Variants in DGKG observed in about 807,000 individuals in gnomAD.
The protein encoded by DGKG is DAG kinase gamma.
Under a neutral mutation model 105.3 loss-of-function variants are expected in DGKG, and 78 were observed. The ratio of observed to expected loss-of-function variants is 0.74; its 90% CI spans 0.62 to 0.89. The LOEUF (loss-of-function observed/expected upper bound fraction) is 0.89. Among genes scored for constraint, DGKG ranks in the 40% least tolerant of loss-of-function variants. The pLI is 0.00. For missense variants in DGKG, 958 were observed against 1,020.1 expected (o/e 0.94, Z 0.83); for synonymous variants, 346 against 367.1 (o/e 0.94, Z 0.66).
At chr3:186,237,062 G>T (rs1720454156) in intron 20 of DGKG, among the ~76,000 whole-genome samples, 1 of 152,194 alleles carries the variant, frequency 6.6e-6, no homozygotes, top group Non-Finnish European at 1.5e-5. Flanking sequence ...TTGGCTATCT[G>T]GAAGACTTTG....
intron 20 of DGKG, among the ~76,000 whole-genome samples, chr3:186,239,855 A>C (rs1238500066): frequency 6.6e-6 from 1 of 151,916 alleles, no homozygotes; most frequent in African/African-American, 2.4e-5. Context: ...TCTACAGATC[A>C]CAGTGAATTT....
chr3:186,229,348 C>T (rs181728624), intron 20 of DGKG, among the ~76,000 whole-genome samples: 7 of 151,862 alleles, frequency 4.6e-5, no homozygotes, highest in African/African-American at 1.5e-4. Context: ...TCAAGTGATT[C>T]GCATGCCTCA....
rs764233443 is a variant in DGKG, at chr3:186,268,829, G to A, written c.1088C>T (p.Ala363Val). Residue 363 changes from alanine (A) to valine (V), a missense_variant, in exon 12 of 25, where the codon GCG becomes GTG. Coordinates refer to ENST00000265022, the MANE Select transcript of DGKG (RefSeq NM_001346.3). ...KSIKCYQSVT[A>V]RHCVWCRMTF... ...CATCCGGCACCACACGCAGTGCCGC[G>A]CGGTGACACTCTGGTAGCACTTGAT... 5 of 1,613,610 alleles carry A rather than the reference G, an allele frequency of 3.1e-6. No individual in the cohort carries two copies. Among genetic ancestry groups the A allele is most frequent in the Middle Eastern group, 1.6e-4 (1 of 6,084 alleles).
At chr3:186,154,503 G>C (rs1715929944) in intron 24 of DGKG, among the ~76,000 whole-genome samples, 1 of 151,956 alleles carries the variant, frequency 6.6e-6, no homozygotes, top group Admixed American at 6.6e-5. Flanking sequence ...AAATTAGCCA[G>C]GTGTGGTAGT....
At chr3:186,183,601 G>A (rs1188104102) in intron 22 of DGKG, among the ~76,000 whole-genome samples, 1 of 152,162 alleles carries the variant, frequency 6.6e-6, no homozygotes, top group Non-Finnish European at 1.5e-5. Context: ...GTCTAGGAAA[G>A]GAGATAGTAG....
chr3:186,339,146 T>C (rs527834788), intron 1 of DGKG, among the ~76,000 whole-genome samples: 1 of 152,332 alleles, frequency 6.6e-6, no homozygotes, highest in East Asian at 1.9e-4. Flanking sequence ...ATAATGATGT[T>C]CAATGGGCAA....
intron 22 of DGKG, 106 bp from the exon 23 acceptor site, chr3:186,165,124 A>G (rs1017010001): frequency 8.2e-7 from 1 of 1,225,514 alleles, no homozygotes; most frequent in Non-Finnish European, 1.1e-6. Flanking sequence ...GTATCCCTTC[A>G]TCTCCCACCA....
chr3:186,147,479 A>G lies in DGKG; in HGVS notation c.*2611T>C. ...AAGAAACCACAGTCATAGTGTTTAA[A>G]GGATGATTTGCAAGGCACGATTAAA... is the stretch of plus-strand genomic sequence containing the variant. On this transcript the variant is annotated 3_prime_UTR_variant, in exon 25 of 25. Transcript: ENST00000265022. 1 of 985,428 alleles carries G rather than the reference A, an allele frequency of 1.0e-6. No homozygotes were observed. The highest frequency in any genetic ancestry group is 1.2e-6 in the Non-Finnish European group (1 of 829,902). The allele number at this position is 985,428 out of a possible 1,614,324, so 61.0% of individuals were successfully genotyped here.
chr3:186,308,801 G>C (rs1432728070), intron 2 of DGKG, among the ~76,000 whole-genome samples: 1 of 152,196 alleles, frequency 6.6e-6, no homozygotes, highest in Non-Finnish European at 1.5e-5. Context: ...GCAAGATACT[G>C]TTAATGGACT....
rs1727237261 is a variant in DGKG at position 186,361,698 on chromosome 3, G to A, written c.-249+248C>T. 6.6e-6 allele frequency among the ~76,000 whole-genome samples: 1 copy of A among 152,208 alleles called. No homozygotes were observed. Among genetic ancestry groups the A allele is most frequent in the African/African-American group, 2.4e-5 (1 of 41,456 alleles). On this transcript the variant is annotated intron_variant, in intron 1 of 24. Transcript: ENST00000265022. The surrounding 1 kb of genome is among the most constrained non-coding windows in gnomAD (Gnocchi z 6.8). ...CCCGCACAGCTTTGAGGCTTGAGGGGGCCTCTCAGTCGCAGAGAGAGCCGA... is the reference window on the plus strand; with the variant it reads ...CCCGCACAGCTTTGAGGCTTGAGGGAGCCTCTCAGTCGCAGAGAGAGCCGA...
At chr3:186,352,329 T>G (rs1338088987) in intron 1 of DGKG, among the ~76,000 whole-genome samples, 1 of 152,132 alleles carries the variant, frequency 6.6e-6, no homozygotes, top group Non-Finnish European at 1.5e-5. Context: ...CTTTCCCTTA[T>G]TAGATAGGCA....
chr3:186,275,872 G>T (rs1722557902), intron 9 of DGKG, among the ~76,000 whole-genome samples: 1 of 152,144 alleles, frequency 6.6e-6, no homozygotes, highest in South Asian at 2.1e-4. Context: ...CATCTGAATG[G>T]AAGCATGTGT....
At chr3:186,293,920 C>G (rs9860237) in intron 5 of DGKG, among the ~76,000 whole-genome samples, 4,390 of 106,454 alleles carry the variant, frequency 0.041, 217 homozygotes, top group African/African-American at 0.13. Context: ...AGAGGGCCTA[C>G]CAGGAAAAGG....
chr3:186,249,171 A>G (rs1423347641), intron 19 of DGKG, among the ~76,000 whole-genome samples: 1 of 152,050 alleles, frequency 6.6e-6, no homozygotes, highest in African/African-American at 2.4e-5. Flanking sequence ...TGGAGGGGGC[A>G]CCTGGAAGAG....
chr3:186,189,575 G>GA (rs1370077170), intron 21 of DGKG, among the ~76,000 whole-genome samples: 16 of 152,194 alleles, frequency 1.1e-4, no homozygotes, highest in African/African-American at 3.6e-4. Context: ...TTGGGAGAAA[G>GA]AAAAAATCAA....
At chr3:186,216,154 A>T (rs1037455072) in intron 20 of DGKG, among the ~76,000 whole-genome samples, 2 of 151,542 alleles carry the variant, frequency 1.3e-5, no homozygotes, top group Non-Finnish European at 2.9e-5. Flanking sequence ...ATGCGCCACC[A>T]CTCCCGGCTA....
intron 1 of DGKG, among the ~76,000 whole-genome samples, chr3:186,346,051 C>A (rs1382214858): frequency 6.6e-6 from 1 of 152,220 alleles, no homozygotes; most frequent in Non-Finnish European, 1.5e-5. Flanking sequence ...ACAGGCTGAG[C>A]CACTGCCCCT....
At chr3:186,156,260 C>CT (rs920864529) in intron 24 of DGKG, among the ~76,000 whole-genome samples, 12 of 151,352 alleles carry the variant, frequency 7.9e-5, no homozygotes, top group African/African-American at 2.2e-4. Context: ...AACTGGGGGG[C>CT]TTTTTTTTGC....
rs1046462567 is a variant in DGKG at position 186,203,412 on chromosome 3, C to T, written c.1917+8383G>A. Among the ~76,000 whole-genome samples, 1 of 152,044 alleles carries T rather than the reference C, an allele frequency of 6.6e-6. No individual in the cohort carries two copies. Among genetic ancestry groups the T allele is most frequent in the East Asian group, 1.9e-4 (1 of 5,190 alleles). On this transcript the variant is annotated intron_variant, in intron 21 of 24. Coordinates refer to ENST00000265022, the MANE Select transcript of DGKG (RefSeq NM_001346.3). The surrounding 1 kb of genome is among the most constrained non-coding windows in gnomAD (Gnocchi z 4.9). ...ATTGGGGGTTATTTTCTTTTTTGCC[C>T]CTCTGTATTTTAAAATGTTCTGCCA...
Sources: gnomAD v4.1 joint callset for allele counts (sites outside exome capture counted in the v4.1 genomes callset) on GRCh38, gnomAD v4.1.1 for gene constraint, Gnocchi (gnomAD v3.1) non-coding constraint, MANE v1.5 for transcripts, NCBI Gene and HGNC (gene_info 2026-07-23, HGNC 2026-07-21) for gene names.